The following PAFAH2 variants were observed in gnomAD, a reference collection of about 807,000 sequenced individuals.
PAFAH2 encodes the protein platelet activating factor acetylhydrolase 2.
A neutral mutation model predicts 49.0 loss-of-function variants in PAFAH2; 42 were observed. The observed-to-expected ratio is 0.86, with a 90% CI of 0.67 to 1.11. The LOEUF (loss-of-function observed/expected upper bound fraction) is 1.11, where lower values mean the gene tolerates loss of function less well. PAFAH2 is among the 50% of genes least tolerant of loss of function. PAFAH2 has a pLI of 0.00. For synonymous variants in PAFAH2, 184 were observed against 181.3 expected (o/e 1.01, Z -0.12); for missense variants, 503 against 501.8 (o/e 1.00, Z -0.02).
chr1:25,966,013 T>TA (rs1281435087), intron 10 of PAFAH2, among the ~76,000 whole-genome samples: 3 of 148,450 alleles, frequency 2.0e-5, no homozygotes, highest in African/African-American at 2.5e-5. Flanking sequence ...CAAACATATT[T>TA]AAAAAAAAAA....
chr1:25,962,108 T>G, intron 10 of PAFAH2, 25 bp from the exon 11 acceptor site: 1 of 1,571,300 alleles, frequency 6.4e-7, no homozygotes, highest in Non-Finnish European at 8.8e-7. Context: ...AACAGGAACA[T>G]TAGGCAAATC....
Position 25,990,769 on chromosome 1 carries a change from G to A in PAFAH2, c.48C>T (p.His16=). The A allele has an allele frequency of 6.2e-7, 1 of 1,614,032 alleles. No homozygotes were observed. Among genetic ancestry groups the A allele is most frequent in the South Asian group, 1.1e-5 (1 of 91,062 alleles). Residue 16 remains histidine (H), a synonymous_variant, in exon 2 of 11, where the codon CAC becomes CAT. Transcript: ENST00000374282. ...SVGFPPVTGP[H]LVGCGDVMEG... is the part of the protein sequence containing the mutation. ...CCATCACATCCCCACAGCCTACGAG[G>A]TGGGGTCCTGTGACAGGTGGAAAGC...
intron 4 of PAFAH2, 72 bp from the exon 5 acceptor site, chr1:25,984,600 G>T: frequency 8.4e-7 from 1 of 1,188,946 alleles, no homozygotes. Context: ...TTCCAACAAT[G>T]CTCTGCTAGC....
chr1:25,965,067 T>C (rs557989793), intron 10 of PAFAH2, among the ~76,000 whole-genome samples: 145 of 151,898 alleles, frequency 9.5e-4, no homozygotes, highest in Middle Eastern at 3.4e-3. Context: ...CACAGAAAAA[T>C]AGATAAATGA....
intron 2 of PAFAH2, among the ~76,000 whole-genome samples, chr1:25,990,181 C>T (rs1480196832): frequency 6.6e-6 from 1 of 152,076 alleles, no homozygotes. Flanking sequence ...GTAGGAGAGT[C>T]GCTTGAGGCC....
At chr1:25,973,440 G>T (rs1012956084) in intron 9 of PAFAH2, among the ~76,000 whole-genome samples, 12 of 152,154 alleles carry the variant, frequency 7.9e-5, no homozygotes, top group Non-Finnish European at 1.5e-4. Flanking sequence ...CACACAAAAA[G>T]GTGTATAGAA....
intron 10 of PAFAH2, among the ~76,000 whole-genome samples, chr1:25,966,232 A>T (rs1209963094): frequency 6.6e-6 from 1 of 152,212 alleles, no homozygotes; most frequent in African/African-American, 2.4e-5. Flanking sequence ...AACTAAAAAT[A>T]GAACTACCAT....
intron 2 of PAFAH2, 33 bp downstream of exon 2, chr1:25,990,694 G>A (rs1408762751): frequency 1.9e-6 from 3 of 1,553,140 alleles, no homozygotes; most frequent in Non-Finnish European, 2.7e-6. Flanking sequence ...CAGAAGCAGT[G>A]CAAACAGAAG....
At chr1:25,981,893 C>T (rs986952416) in intron 7 of PAFAH2, among the ~76,000 whole-genome samples, 8 of 151,992 alleles carry the variant, frequency 5.3e-5, no homozygotes, top group East Asian at 1.9e-4. Context: ...CAGTGGCAGG[C>T]GCCTATAATC....
rs183952115 is a variant in PAFAH2 at position 25,976,433 on chromosome 1, A to G, written c.758+249T>C. On this transcript the variant is annotated intron_variant, in intron 8 of 10. Transcript: ENST00000374282. ...TCGCTGGGGTTACAGGAGTAAGCCA[A>G]CATGCTCAGCTTTATTTTTCTTCAT... Among the ~76,000 whole-genome samples the G allele has an allele frequency of 2.6e-5, 4 of 152,188 alleles. No homozygotes were observed. The East Asian group carries it at 5.8e-4, about 22-fold the overall frequency.
intron 7 of PAFAH2, among the ~76,000 whole-genome samples, chr1:25,982,157 G>A (rs566089396): frequency 6.6e-6 from 1 of 152,176 alleles, no homozygotes; most frequent in Non-Finnish European, 1.5e-5. Flanking sequence ...AGCCAGGAGA[G>A]GGGAGAGAAG....
intron 4 of PAFAH2, among the ~76,000 whole-genome samples, chr1:25,987,709 G>A (rs1557528539): frequency 9.1e-6 from 1 of 110,376 alleles, no homozygotes; most frequent in Non-Finnish European, 2.0e-5. Flanking sequence ...GTGAGATCTC[G>A]TCCCTGAAAA....
intron 7 of PAFAH2, among the ~76,000 whole-genome samples, chr1:25,979,772 G>A (rs1477995194): frequency 2.0e-5 from 3 of 152,152 alleles, no homozygotes; most frequent in African/African-American, 7.2e-5. Context: ...TTACAGGCGT[G>A]AGCCACCACG....
At chr1:25,985,848 C>A (rs755950689) in intron 4 of PAFAH2, among the ~76,000 whole-genome samples, 6 of 152,242 alleles carry the variant, frequency 3.9e-5, no homozygotes. Context: ...GATGCGATTT[C>A]CTCGATTTGT....
At chr1:25,990,249 T>C (rs1199462856) in intron 2 of PAFAH2, among the ~76,000 whole-genome samples, 1 of 151,852 alleles carries the variant, frequency 6.6e-6, no homozygotes, top group African/African-American at 2.4e-5. Flanking sequence ...TATATATACA[T>C]ATATATAAGA....
At chr1:25,996,475 T>TA (rs1350298207) in intron 1 of PAFAH2, among the ~76,000 whole-genome samples, 6 of 151,848 alleles carry the variant, frequency 4.0e-5, no homozygotes, top group Admixed American at 6.6e-5. Context: ...CTGTCTGTAC[T>TA]AAAAAAAATA....
chr1:25,968,779 G>A (rs1381299767), intron 10 of PAFAH2, among the ~76,000 whole-genome samples: 1 of 152,092 alleles, frequency 6.6e-6, no homozygotes, highest in Non-Finnish European at 1.5e-5. Context: ...ACCCAGGGTG[G>A]AGTGCAGTGG....
At position 25,984,428 on chromosome 1, in the gene PAFAH2, A is replaced by C. The variant is rs758246866; in HGVS notation, c.410+32T>G. 46 of 1,561,542 alleles carry C rather than the reference A, an allele frequency of 2.9e-5. 1 individual carries two copies. The South Asian group carries it at 4.6e-4, about 16-fold the overall frequency. On this transcript the variant is annotated intron_variant, in intron 5 of 10. Transcript: ENST00000374282. ...ACTAGCCTATATCCTAGCTCACTGC[A>C]GGCACCCAATCCATGGCGGCTCATC... is the stretch of plus-strand genomic sequence containing the variant.
At chr1:25,983,257 G>A (rs937887122) in intron 6 of PAFAH2, among the ~76,000 whole-genome samples, 4 of 152,022 alleles carry the variant, frequency 2.6e-5, no homozygotes, top group African/African-American at 9.7e-5. Context: ...GGTGGTGTGT[G>A]CCTGTAGTCC....
Sources: gnomAD v4.1 joint callset for allele counts (sites outside exome capture counted in the v4.1 genomes callset) on GRCh38, gnomAD v4.1.1 for gene constraint, MANE v1.5 for transcripts, NCBI Gene and HGNC (gene_info 2026-07-23, HGNC 2026-07-21) for gene names.